Variants in XKR6 observed in about 807,000 individuals in gnomAD.
XKR6 encodes XK-related protein 6.
A neutral mutation model predicts 56.7 loss-of-function variants in XKR6; 22 were observed. The observed-to-expected ratio is 0.39, with a 90% CI of 0.28 to 0.55. The LOEUF is 0.55. Ranked by LOEUF, XKR6 falls within the 20% of genes least tolerant of loss-of-function variation. XKR6 has a pLI of 0.66. For missense variants in XKR6, 852 were observed against 889.0 expected (o/e 0.96, Z 0.53); for synonymous variants, 524 against 387.8 (o/e 1.35, Z -4.13).
chr8:11,161,774 T>C (rs1023302922), intron 1 of XKR6, among the ~76,000 whole-genome samples: 7 of 152,108 alleles, frequency 4.6e-5, no homozygotes, highest in African/African-American at 1.7e-4. Flanking sequence ...TAATATTTAA[T>C]ATATTTGTAA....
At chr8:11,166,248 T>C (rs1802066854) in intron 1 of XKR6, among the ~76,000 whole-genome samples, 1 of 152,230 alleles carries the variant, frequency 6.6e-6, no homozygotes, top group African/African-American at 2.4e-5. Context: ...AAGTTGTATA[T>C]AAACCAAATC....
chr8:11,119,577 T>C (rs919400543), intron 1 of XKR6, among the ~76,000 whole-genome samples: 6 of 152,306 alleles, frequency 3.9e-5, no homozygotes, highest in Middle Eastern at 3.4e-3. Context: ...CCTTGTCTCT[T>C]TTGATCTTTG....
intron 1 of XKR6, among the ~76,000 whole-genome samples, chr8:11,199,564 G>A (rs1411366133): frequency 6.6e-6 from 1 of 152,174 alleles, no homozygotes; most frequent in African/African-American, 2.4e-5. Flanking sequence ...TCTTGCAAAT[G>A]CTCTCACCTA....
intron 1 of XKR6, among the ~76,000 whole-genome samples, chr8:10,937,755 C>T (rs1345260509): frequency 2.7e-5 from 4 of 146,246 alleles, no homozygotes; most frequent in African/African-American, 4.9e-5. Context: ...GCAGTCTGCC[C>T]GTTCTCAGAT....
intron 1 of XKR6, among the ~76,000 whole-genome samples, chr8:11,158,279 A>G (rs755083469): frequency 5.3e-5 from 8 of 152,200 alleles, no homozygotes; most frequent in Non-Finnish European, 1.0e-4. Context: ...GGAAAAATTT[A>G]AAAGTAACAC....
intron 1 of XKR6, among the ~76,000 whole-genome samples, chr8:11,006,802 G>T (rs532161927): frequency 2.3e-4 from 35 of 152,282 alleles, no homozygotes; most frequent in African/African-American, 7.9e-4. Context: ...AGTTCCCTGT[G>T]GCTGCCGCTG....
At chr8:11,124,080 T>C in intron 1 of XKR6, 1 of 450,454 alleles carries the variant, frequency 2.2e-6, no homozygotes, top group South Asian at 1.6e-5. Flanking sequence ...CTAGCACGAT[T>C]TCCTACTAAC....
chr8:10,975,871 G>C (rs977608754), intron 1 of XKR6, among the ~76,000 whole-genome samples: 2 of 152,088 alleles, frequency 1.3e-5, no homozygotes, highest in Non-Finnish European at 2.9e-5. Context: ...TCCCTCATGG[G>C]AACACGGAGG....
chr8:11,027,308 C>T (rs1798892600), intron 1 of XKR6, among the ~76,000 whole-genome samples: 1 of 152,138 alleles, frequency 6.6e-6, no homozygotes, highest in Admixed American at 6.5e-5. Flanking sequence ...TGGCATGTGA[C>T]TATGTATATT....
At chr8:10,944,371 C>G (rs923383924) in intron 1 of XKR6, among the ~76,000 whole-genome samples, 1 of 152,242 alleles carries the variant, frequency 6.6e-6, no homozygotes, top group African/African-American at 2.4e-5. Context: ...TTTCCTGCCA[C>G]TCCCTGGACG....
At chr8:11,092,414 T>C (rs879347815) in intron 1 of XKR6, among the ~76,000 whole-genome samples, 2 of 152,224 alleles carry the variant, frequency 1.3e-5, no homozygotes, top group Non-Finnish European at 2.9e-5. Context: ...ACCCATTATA[T>C]GGAGTTTGCA....
At chr8:11,105,345 G>T (rs1324625855) in intron 1 of XKR6, 1 of 152,214 alleles carries the variant, frequency 6.6e-6, no homozygotes, top group East Asian at 1.9e-4. Context: ...TGAAAAAAAT[G>T]GTGAAGTCCC....
chr8:11,008,027 G>C (rs1056172331), intron 1 of XKR6, among the ~76,000 whole-genome samples: 6 of 152,138 alleles, frequency 3.9e-5, no homozygotes, highest in African/African-American at 1.4e-4. Context: ...GCAGGCGTTT[G>C]CTTTTTTTTG....
intron 1 of XKR6, among the ~76,000 whole-genome samples, chr8:10,955,218 G>A (rs1476041005): frequency 6.6e-6 from 1 of 152,042 alleles, no homozygotes; most frequent in African/African-American, 2.4e-5. Context: ...TTATGGCAAT[G>A]CAAGAACAGC....
At chr8:10,919,503 C>T (rs1251300209) in intron 2 of XKR6, among the ~76,000 whole-genome samples, 4 of 152,232 alleles carry the variant, frequency 2.6e-5, no homozygotes, top group East Asian at 1.9e-4. Context: ...CTGGGTAACA[C>T]ATCTTTGTTG....
intron 2 of XKR6, among the ~76,000 whole-genome samples, chr8:10,912,254 G>C (rs1458302228): frequency 2.9e-5 from 4 of 137,148 alleles, no homozygotes; most frequent in Non-Finnish European, 4.7e-5. Flanking sequence ...GGGTGTGTGT[G>C]TATATATATA....
chr8:10,913,392 T>C (rs770096676), intron 2 of XKR6, among the ~76,000 whole-genome samples: 1 of 151,982 alleles, frequency 6.6e-6, no homozygotes, highest in Non-Finnish European at 1.5e-5. Flanking sequence ...TCACAGAGGT[T>C]AACCGTTGCC....
chr8:11,007,476 C>T (rs1798396130), intron 1 of XKR6, among the ~76,000 whole-genome samples: 1 of 152,208 alleles, frequency 6.6e-6, no homozygotes, highest in Non-Finnish European at 1.5e-5. Flanking sequence ...CAGACCTCCA[C>T]TGCGGCCTCT....
chr8:10,979,001 C>A (rs371701472), intron 1 of XKR6, among the ~76,000 whole-genome samples: 1 of 152,156 alleles, frequency 6.6e-6, no homozygotes, highest in Non-Finnish European at 1.5e-5. Flanking sequence ...CCCATCTGTC[C>A]ACCCCCTGCC....
Sources: allele counts gnomAD v4.1 joint callset (sites outside exome capture counted in the v4.1 genomes callset), GRCh38; gene constraint gnomAD v4.1.1; transcripts MANE v1.5; gene names NCBI Gene and HGNC (gene_info 2026-07-23, HGNC 2026-07-21).